The following FANCL variants were observed in gnomAD, a reference collection of about 807,000 sequenced individuals.
FANCL encodes the protein FA complementation group L, also known as E3 ubiquitin-protein ligase FANCL.
Under a neutral mutation model 59.4 loss-of-function variants are expected in FANCL, and 69 were observed. The observed-to-expected ratio is 1.16, with a 90% CI of 0.96 to 1.42. The LOEUF (loss-of-function observed/expected upper bound fraction) is 1.42. Among genes scored for constraint, FANCL ranks in the 40% most tolerant of loss-of-function variants. FANCL has a pLI of 0.00. For missense variants in FANCL, 519 were observed against 447.2 expected, an observed-to-expected ratio of 1.16 and a Z score of -1.45; for synonymous variants, 180 against 147.1, an observed-to-expected ratio of 1.22 and a Z score of -1.62.
intron 7 of FANCL, among the ~76,000 whole-genome samples, chr2:58,172,533 C>A (rs545459860): frequency 3.0e-4 from 45 of 152,302 alleles, no homozygotes; most frequent in African/African-American, 5.5e-4. Flanking sequence ...AGACCTGCAG[C>A]TGAGGGTCTC....
intron 1 of FANCL, among the ~76,000 whole-genome samples, chr2:58,240,359 A>C (rs1694410036): frequency 6.6e-6 from 1 of 152,152 alleles, no homozygotes; most frequent in Admixed American, 6.5e-5. Context: ...GTTGAGTGTA[A>C]TGGTCAGAAA....
At position 58,204,055 on chromosome 2, in the gene FANCL, T is replaced by C. The variant is rs375317278; in HGVS notation, c.471+75A>G. On this transcript the variant is annotated intron_variant, in intron 6 of 13. Transcript: ENST00000233741. ...TTTTTAGATGTAACTAGCACTTCTT[T>C]ACATTGAGAGCATTCACAGAGTTCA... 1.7e-5 allele frequency: 19 copies of C among 1,114,766 alleles called. No individual in the cohort carries two copies. The Admixed American group carries it at 2.7e-4, about 16-fold the overall frequency. 69.1% of individuals were successfully genotyped at this position (1,114,766 alleles called of 1,614,324 possible).
At chr2:58,198,034 TGTGTGTGTGTGC>T (rs566821638) in intron 7 of FANCL, among the ~76,000 whole-genome samples, 2,067 of 151,984 alleles carry the variant, frequency 0.014, 21 homozygotes, top group Non-Finnish European at 0.023. Context: ...GGATGGTGTG[TGTGTGTGTGTGC>T]GTGTGTGTGT....
At position 58,231,816 on chromosome 2, in the gene FANCL, T is replaced by C. The variant is rs1381500702; in HGVS notation, c.155+238A>G. Among the ~76,000 whole-genome samples the C allele has an allele frequency of 3.9e-5, 6 of 152,220 alleles. No individual in the cohort carries two copies. In the South Asian group the frequency reaches 1.2e-3, roughly 32 times the overall value. Reference sequence around the variant, plus strand: ...TTAGTGAAGTGTACACAATGGCTGTTTACTGCTTTAAATATTTTTTTAAAA... The same window carrying C: ...TTAGTGAAGTGTACACAATGGCTGTCTACTGCTTTAAATATTTTTTTAAAA... On this transcript the variant is annotated intron_variant, in intron 2 of 13. Coordinates refer to ENST00000233741, the MANE Select transcript of FANCL (RefSeq NM_018062.4).
intron 13 of FANCL, 66 bp downstream of exon 13, chr2:58,160,038 GATCT>G: frequency 6.2e-7 from 1 of 1,602,666 alleles, no homozygotes; most frequent in Admixed American, 1.7e-5. Flanking sequence ...ATACTATATA[GATCT>G]ATCTTCTAGA....
chr2:58,194,961 A>G (rs577545353), intron 7 of FANCL, among the ~76,000 whole-genome samples: 1 of 151,940 alleles, frequency 6.6e-6, no homozygotes, highest in Admixed American at 6.6e-5. Context: ...TTCCAAGTTT[A>G]AAGTCCAGAA....
At chr2:58,163,133 C>A in intron 9 of FANCL, 59 bp from the exon 10 acceptor site, 1 of 1,404,022 alleles carries the variant, frequency 7.1e-7, no homozygotes. Flanking sequence ...TTTCTAAAGC[C>A]ACATTTGATA....
rs1161005315 is a variant in FANCL at position 58,232,040 on chromosome 2, A to G, written c.155+14T>C. ...AATGCAAAAATGCACGTTTATAACT[A>G]AACACCATATCACCTTGCATTCTTC... On this transcript the variant is annotated intron_variant, in intron 2 of 13. Transcript: ENST00000233741. 5 of 1,611,834 alleles carry G rather than the reference A, an allele frequency of 3.1e-6. No homozygotes were observed. The highest frequency in any genetic ancestry group is 4.2e-6 in the Non-Finnish European group (5 of 1,178,200).
chr2:58,222,593 T>A (rs748867071), intron 4 of FANCL, among the ~76,000 whole-genome samples: 65 of 152,064 alleles, frequency 4.3e-4, no homozygotes, highest in Non-Finnish European at 4.1e-4. Context: ...ATGCCATCCA[T>A]CTGGCTAGAT....
At chr2:58,205,223 A>C (rs529586751) in intron 5 of FANCL, among the ~76,000 whole-genome samples, 1 of 152,176 alleles carries the variant, frequency 6.6e-6, no homozygotes, top group South Asian at 2.1e-4. Context: ...TAATGATAAC[A>C]TGGGCTAATT....
chr2:58,183,821 G>C (rs528241141), intron 7 of FANCL, among the ~76,000 whole-genome samples: 1 of 151,966 alleles, frequency 6.6e-6, no homozygotes, highest in East Asian at 1.9e-4. Flanking sequence ...TAACATTTTA[G>C]CCATGTACAG....
At chr2:58,192,794 C>G (rs577465014) in intron 7 of FANCL, among the ~76,000 whole-genome samples, 1 of 151,670 alleles carries the variant, frequency 6.6e-6, no homozygotes, top group Non-Finnish European at 1.5e-5. Flanking sequence ...AGCTAACAGC[C>G]AAAAGTGTTT....
chr2:58,159,703 C>T lies in FANCL; in HGVS notation c.*62G>A. 1 of 1,611,904 alleles carries T rather than the reference C, an allele frequency of 6.2e-7. No individual in the cohort carries two copies. The highest frequency in any genetic ancestry group is 8.5e-7 in the Non-Finnish European group (1 of 1,179,168). ...TTTATTTTTTCTCTGAAGATGATAC[C>T]AAAATTCCTTTTGATAATTTTTTAA... On this transcript the variant is annotated 3_prime_UTR_variant, in exon 14 of 14. Transcript: ENST00000233741.
chr2:58,184,855 G>C (rs1165798880), intron 7 of FANCL, among the ~76,000 whole-genome samples: 4 of 152,046 alleles, frequency 2.6e-5, no homozygotes, highest in Non-Finnish European at 5.9e-5. Context: ...GAGAAAGTTA[G>C]GAAACATAAA....
intron 3 of FANCL, among the ~76,000 whole-genome samples, chr2:58,229,166 G>C (rs1232459264): frequency 6.6e-6 from 1 of 151,796 alleles, no homozygotes; most frequent in Non-Finnish European, 1.5e-5. Flanking sequence ...CAGAAATATA[G>C]AAAATCAGGA....
Position 58,159,676 on chromosome 2 carries a change from GCTTT to G in FANCL, c.*85_*88del, listed in dbSNP as rs1411297652. The G allele has an allele frequency of 6.2e-7, 1 of 1,612,522 alleles. No individual in the cohort carries two copies. On this transcript the variant is annotated 3_prime_UTR_variant, in exon 14 of 14. Coordinates refer to ENST00000233741, the MANE Select transcript of FANCL (RefSeq NM_018062.4). ...TGTCCTTTTGATGTTAGTATTTCTT[GCTTT>G]ATTTTTTCTCTGAAGATGATACCAA...
intron 7 of FANCL, among the ~76,000 whole-genome samples, chr2:58,172,148 T>C (rs561994261): frequency 1.5e-4 from 23 of 152,246 alleles, no homozygotes; most frequent in Non-Finnish European, 2.9e-4. Flanking sequence ...TGCCTGCCTC[T>C]GTAGGCTCCA....
chr2:58,234,096 T>C (rs1245799731), intron 1 of FANCL, among the ~76,000 whole-genome samples: 1 of 151,858 alleles, frequency 6.6e-6, no homozygotes. Flanking sequence ...CGTCCATGAA[T>C]ACAAAGATAC....
At chr2:58,222,309 T>A (rs957990405) in intron 4 of FANCL, among the ~76,000 whole-genome samples, 1 of 105,996 alleles carries the variant, frequency 9.4e-6, no homozygotes, top group African/African-American at 5.4e-5. Context: ...ATTATGCCTA[T>A]CGGAGATAAA....
Sources: gnomAD v4.1 joint callset for allele counts (sites outside exome capture counted in the v4.1 genomes callset) on GRCh38, gnomAD v4.1.1 for gene constraint, MANE v1.5 for transcripts, NCBI Gene and HGNC (gene_info 2026-07-23, HGNC 2026-07-21) for gene names.